CCDC43: variants seen among roughly 807,000 people sequenced by gnomAD.
CCDC43 encodes the protein coiled-coil domain-containing protein 43.
Under a neutral mutation model 33.3 loss-of-function variants are expected in CCDC43, and 20 were observed. The ratio of observed to expected loss-of-function variants is 0.60; its 90% CI spans 0.42 to 0.87. CCDC43 has a LOEUF of 0.87. Among genes scored for constraint, CCDC43 ranks in the 40% least tolerant of loss-of-function variants. The pLI, the probability that CCDC43 is intolerant of heterozygous loss-of-function variation, is 0.00. For missense variants in CCDC43, 248 were observed against 269.9 expected (o/e 0.92, Z 0.57); for synonymous variants, 104 against 106.5 (o/e 0.98, Z 0.14).
At position 44,678,939 on chromosome 17, in the gene CCDC43, G is replaced by A; in HGVS notation, c.592C>T (p.Gln198Ter). The A allele has an allele frequency of 1.2e-6, 2 of 1,613,316 alleles. No homozygotes were observed. Among genetic ancestry groups the A allele is most frequent in the Non-Finnish European group, 1.7e-6 (2 of 1,179,766 alleles). ...TTGGCTAGTTTGTCTCTCTCCCTCT[G>A]CAGCTTGTCCTGTTCCTTCTTCCTT... ...SQRKKEQDKL[Q>*]RERDKLAKQE... The change falls in exon 5 of 5, where the codon CAG becomes TAG. Residue 198 changes from glutamine (Q) to a stop codon, truncating the protein, a stop_gained. Coordinates refer to ENST00000315286, the MANE Select transcript of CCDC43 (RefSeq NM_144609.3). LOFTEE classifies it high-confidence loss of function.
At chr17:44,682,549 G>C (rs114804771) in intron 2 of CCDC43, among the ~76,000 whole-genome samples, 1,886 of 152,222 alleles carry the variant, frequency 0.012, 40 homozygotes, top group African/African-American at 0.041. Context: ...ATTATGCCAG[G>C]TGGAATTCTT....
intron 4 of CCDC43, 140 bp downstream of exon 4, chr17:44,680,445 T>G: frequency 1.6e-6 from 1 of 635,806 alleles, no homozygotes. Context: ...TCTAGGGCTG[T>G]CCTAGGAATA....
chr17:44,680,500 G>A, intron 4 of CCDC43, 85 bp downstream of exon 4: 1 of 951,712 alleles, frequency 1.1e-6, no homozygotes, highest in Non-Finnish European at 1.7e-6. Flanking sequence ...AGGTAAAGGG[G>A]AGCCGCCAGC....
At chr17:44,686,221 G>A (rs140628590) in intron 1 of CCDC43, among the ~76,000 whole-genome samples, 31 of 152,304 alleles carry the variant, frequency 2.0e-4, no homozygotes, top group African/African-American at 7.2e-4. Flanking sequence ...CCGAGCCCAT[G>A]TTCTTAACCA....
At chr17:44,679,186 G>A in intron 4 of CCDC43, 143 bp from the exon 5 acceptor site, 4 of 503,590 alleles carry the variant, frequency 7.9e-6, no homozygotes, top group Non-Finnish European at 1.3e-5. Flanking sequence ...AAACCCTTAT[G>A]TTTATCCTTG....
Position 44,689,691 on chromosome 17 carries a change from GC to G in CCDC43, c.62del (p.Gly21AlafsTer74). The G allele has an allele frequency of 6.2e-7, 1 of 1,608,366 alleles. No homozygotes were observed. Among genetic ancestry groups the G allele is most frequent in the Non-Finnish European group, 8.5e-7 (1 of 1,177,744 alleles). On this transcript the variant is annotated frameshift_variant, in exon 1 of 5. Coordinates refer to ENST00000315286, the MANE Select transcript of CCDC43 (RefSeq NM_144609.3). LOFTEE classifies it high-confidence loss of function. ...ACCGTCCGTCCAGCCAGGAGCCAAA[GC>G]CGCCGCCTCCGCCATCGCCTTCGCC... ...APGEGDGGGG[G>X]FGSWLDGRLE... is the part of the protein sequence containing the mutation.
Position 44,678,808 on chromosome 17 carries a change from T to A in CCDC43, c.*48A>T. 1 of 1,547,916 alleles carries A rather than the reference T, an allele frequency of 6.5e-7. No individual in the cohort carries two copies. Among genetic ancestry groups the A allele is most frequent in the Middle Eastern group, 1.7e-4 (1 of 5,822 alleles). On this transcript the variant is annotated 3_prime_UTR_variant, in exon 5 of 5. Coordinates refer to ENST00000315286, the MANE Select transcript of CCDC43 (RefSeq NM_144609.3). ...TCATTTCTCTTAAATACACAACCAG[T>A]TCTCCCTTTGATAAGTTCATGGGGG... is the stretch of plus-strand genomic sequence containing the variant.
intron 1 of CCDC43, among the ~76,000 whole-genome samples, chr17:44,684,959 G>T (rs765441848): frequency 1.0e-3 from 153 of 151,444 alleles, no homozygotes; most frequent in Non-Finnish European, 1.6e-3. Context: ...TGAGTTTGTT[G>T]TTTTTTTTAA....
rs773606782 is a variant in CCDC43, at chr17:44,680,638, G to A, written c.434C>T (p.Ala145Val). 6.2e-7 allele frequency: 1 copy of A among 1,606,068 alleles called. No homozygotes were observed. Among genetic ancestry groups the A allele is most frequent in the East Asian group, 2.2e-5 (1 of 44,712 alleles). The change falls in exon 4 of 5, where the codon GCA becomes GTA. Residue 145 changes from alanine (A) to valine (V), a missense_variant. By Grantham distance (64) the Ala-to-Val change is moderately conservative. Transcript: ENST00000315286. ...AGCACCTGAATCATCCTTCTCATCT[G>A]CTTCAGTAAGTGATGTTAAGGAAAG... ...YADVTDEEDE[A>V]DEKDDSGATT...
chr17:44,686,696 T>G (rs1382382541), intron 1 of CCDC43, among the ~76,000 whole-genome samples: 1 of 152,202 alleles, frequency 6.6e-6, no homozygotes, highest in African/African-American at 2.4e-5. Context: ...CTGGCACTTA[T>G]CACTTTGTAA....
rs372666783 is a variant in CCDC43, at chr17:44,689,542, C to A, written c.204+8G>T. On this transcript the variant is annotated splice_region_variant and intron_variant, in intron 1 of 4. Coordinates refer to ENST00000315286, the MANE Select transcript of CCDC43 (RefSeq NM_144609.3). Reference sequence around the variant, plus strand: ...CAGAGGCTGAAGGAATGTGTCCAGGCTACTCACCAGGAAAGCAGAGAGGAT... The same window carrying A: ...CAGAGGCTGAAGGAATGTGTCCAGGATACTCACCAGGAAAGCAGAGAGGAT... The A allele has an allele frequency of 1.0e-4, 163 of 1,613,930 alleles. 1 individual carries two copies. The highest frequency in any genetic ancestry group is 6.6e-4 in the Middle Eastern group (4 of 6,062).
At chr17:44,684,109 G>A in intron 1 of CCDC43, 150 bp from the exon 2 acceptor site, 3 of 615,650 alleles carry the variant, frequency 4.9e-6, no homozygotes, top group Non-Finnish European at 5.8e-6. Context: ...TCTTTTCTGA[G>A]GCTCTGGACA....
Position 44,683,919 on chromosome 17 carries a change from T to A in CCDC43, c.245A>T (p.Glu82Val), listed in dbSNP as rs1411652052. 1 of 1,613,420 alleles carries A rather than the reference T, an allele frequency of 6.2e-7. No homozygotes were observed. The highest frequency in any genetic ancestry group is 8.5e-7 in the Non-Finnish European group (1 of 1,179,460). ...AACATTCTGAGTTTCTGACCATCGT[T>A]CCACAATCTCCTTGCAGATATTAAG... ...SLLNICKEIV[E>V]RWSETQNVVT... The change falls in exon 2 of 5, where the codon GAA becomes GTA. Residue 82 changes from glutamate (E) to valine (V), a missense_variant. Glu to Val is a moderately radical substitution (Grantham distance 121). Transcript: ENST00000315286.
rs1381205011 is a variant in CCDC43, at chr17:44,683,880, T to C, written c.284A>G (p.Lys95Arg). 9.9e-6 allele frequency: 16 copies of C among 1,610,918 alleles called. No individual in the cohort carries two copies. The highest frequency in any genetic ancestry group is 1.3e-5 in the Non-Finnish European group (15 of 1,177,198). The change falls in exon 2 of 5, where the codon AAA becomes AGA. Residue 95 changes from lysine (K) to arginine (R), a missense_variant. Coordinates refer to ENST00000315286, the MANE Select transcript of CCDC43 (RefSeq NM_144609.3). The part of the protein sequence containing the change: ...SETQNVVTKV[K>R]KEDEVQAIAT... ...AGAAACTCTGACTCTACCTTCTTTT[T>C]TCACTTTGGTGACAACATTCTGAGT...
intron 1 of CCDC43, among the ~76,000 whole-genome samples, chr17:44,686,049 G>C (rs1158281696): frequency 6.6e-6 from 1 of 152,126 alleles, no homozygotes; most frequent in African/African-American, 2.4e-5. Context: ...AAGCAGCTGG[G>C]ACTACAGGCG....
In CCDC43 at chr17:44,678,085, A is replaced by G. The variant is rs530179732; in HGVS notation, c.*771T>C. The G allele has an allele frequency of 8.0e-4, 122 of 152,750 alleles. No individual in the cohort carries two copies. Among genetic ancestry groups the G allele is most frequent in the Middle Eastern group, 3.4e-3 (1 of 294 alleles). The allele number at this position is 152,750 out of a possible 1,614,324, so 9.5% of individuals were successfully genotyped here. On this transcript the variant is annotated 3_prime_UTR_variant, in exon 5 of 5. Transcript: ENST00000315286. The stretch of plus-strand genomic sequence containing the variant: ...GTGATTTCTCCAGTTTCTCCAAACC[A>G]GGAATTATTTCTTAATACTCATGTT...
intron 1 of CCDC43, among the ~76,000 whole-genome samples, chr17:44,686,192 C>T (rs1972233347): frequency 6.6e-6 from 1 of 152,160 alleles, no homozygotes; most frequent in Non-Finnish European, 1.5e-5. Context: ...GGATTACAGG[C>T]GTTAGCCACC....
chr17:44,681,662 ATACTT>A, intron 3 of CCDC43: 1 of 171,972 alleles, frequency 5.8e-6, no homozygotes, highest in East Asian at 1.6e-4. Flanking sequence ...AAGATGGATT[ATACTT>A]TATACTACAC....
chr17:44,683,112 G>C (rs1285964819), intron 2 of CCDC43, among the ~76,000 whole-genome samples: 1 of 152,130 alleles, frequency 6.6e-6, no homozygotes, highest in Non-Finnish European at 1.5e-5. Context: ...TTTATGATTT[G>C]AGTTTTCTGT....
Sources: allele counts gnomAD v4.1 joint callset (sites outside exome capture counted in the v4.1 genomes callset), GRCh38; gene constraint gnomAD v4.1.1; transcripts MANE v1.5; gene names NCBI Gene and HGNC (gene_info 2026-07-23, HGNC 2026-07-21).